Variants in RORA observed in about 807,000 individuals in gnomAD.
RORA encodes the protein RAR related orphan receptor A.
Under a neutral mutation model 69.5 loss-of-function variants are expected in RORA, and 7 were observed. That is an observed-to-expected ratio of 0.10 (90% confidence interval 0.06 to 0.19). The LOEUF is 0.19. Ranked by LOEUF, RORA falls within the 10% of genes least tolerant of loss-of-function variation. The probability of loss-of-function intolerance (pLI) is 1.00; values close to 1 mark genes in which losing one functional copy is unlikely to be tolerated. For synonymous variants in RORA, 261 were observed against 240.8 expected (o/e 1.08, Z -0.78); for missense variants, 457 against 663.0 (o/e 0.69, Z 3.41).
intron 1 of RORA, among the ~76,000 whole-genome samples, chr15:61,022,970 C>A (rs7495776): frequency 0.88 from 134,224 of 151,870 alleles, 59,580 homozygotes; most frequent in East Asian, 0.96. Flanking sequence ...AGATCACTTG[C>A]GGTCAAGAGT....
At chr15:61,021,299 T>C (rs1303002422) in intron 1 of RORA, among the ~76,000 whole-genome samples, 2 of 152,228 alleles carry the variant, frequency 1.3e-5, no homozygotes, top group Non-Finnish European at 2.9e-5. Flanking sequence ...GCTCCGTGAA[T>C]GACTATGAGT....
At chr15:60,742,126 T>C (rs966521840) in intron 1 of RORA, among the ~76,000 whole-genome samples, 7 of 152,200 alleles carry the variant, frequency 4.6e-5, no homozygotes, top group African/African-American at 1.7e-4. Flanking sequence ...TAGATAGATA[T>C]ATATGTGTAT....
At chr15:60,983,649 C>A (rs932284218) in intron 1 of RORA, among the ~76,000 whole-genome samples, 4 of 152,188 alleles carry the variant, frequency 2.6e-5, no homozygotes, top group Non-Finnish European at 5.9e-5. Context: ...GATTCCAGGT[C>A]TTTAGATAAG....
intron 1 of RORA, among the ~76,000 whole-genome samples, chr15:60,946,214 T>A (rs1892866352): frequency 1.3e-5 from 2 of 150,192 alleles, no homozygotes; most frequent in Non-Finnish European, 2.9e-5. Flanking sequence ...CATGGATGAA[T>A]AAAACCAAAA....
intron 1 of RORA, among the ~76,000 whole-genome samples, chr15:61,066,418 CTTTTTTTT>C (rs1168663714): frequency 1.7e-4 from 14 of 80,962 alleles, no homozygotes; most frequent in Admixed American, 5.0e-4. Context: ...GGGCATATTC[CTTTTTTTT>C]TTTTTTTTTT....
intron 1 of RORA, among the ~76,000 whole-genome samples, chr15:60,951,595 T>C (rs1893097528): frequency 6.7e-6 from 1 of 149,932 alleles, no homozygotes; most frequent in Non-Finnish European, 1.5e-5. Context: ...CAATAAAAAA[T>C]GATAAAGGGG....
At chr15:60,687,185 C>T (rs906600781) in intron 1 of RORA, among the ~76,000 whole-genome samples, 1 of 152,040 alleles carries the variant, frequency 6.6e-6, no homozygotes, top group African/African-American at 2.4e-5. Flanking sequence ...GAGGCCCACT[C>T]TCAGATAAGA....
chr15:60,685,908 A>C (rs140763521), intron 1 of RORA, among the ~76,000 whole-genome samples: 1 of 152,252 alleles, frequency 6.6e-6, no homozygotes, highest in African/African-American at 2.4e-5. Context: ...GGTTTCTTTT[A>C]TGTTCGATTT....
At chr15:60,516,229 ATATATTTAT>A in intron 3 of RORA, among the ~76,000 whole-genome samples, 1 of 55,734 alleles carries the variant, frequency 1.8e-5, no homozygotes, top group East Asian at 3.8e-4. Flanking sequence ...ATATTTATAT[ATATATTTAT>A]ATATATATAT....
Position 61,040,125 on chromosome 15 carries a change from T to G in RORA, c.166+188928A>C, listed in dbSNP as rs1215194956. Among the ~76,000 whole-genome samples, 61 of 78,302 alleles carry G rather than the reference T, an allele frequency of 7.8e-4. 1 individual carries two copies. The highest frequency in any genetic ancestry group is 2.1e-3 in the African/African-American group (48 of 23,234). The allele number at this position is 78,302 out of a possible 152,430, so 51.4% of individuals were successfully genotyped here. ...GATCACAAGCTTTGATATATATATA[T>G]ATATATATATATATATATATATATA... On this transcript the variant is annotated intron_variant, in intron 1 of 10. Coordinates refer to ENST00000335670, the MANE Select transcript of RORA (RefSeq NM_134261.3).
intron 2 of RORA, among the ~76,000 whole-genome samples, chr15:60,571,384 G>A (rs930056002): frequency 2.0e-5 from 3 of 152,146 alleles, no homozygotes; most frequent in Non-Finnish European, 4.4e-5. Context: ...GAGTCCTACT[G>A]TGTGCTGTTA....
intron 1 of RORA, among the ~76,000 whole-genome samples, chr15:60,759,505 T>TA (rs757352198): frequency 6.6e-6 from 1 of 152,170 alleles, no homozygotes; most frequent in Non-Finnish European, 1.5e-5. Context: ...CACAAGAGAA[T>TA]AATGAGGAAG....
At chr15:60,930,728 G>A (rs1892349705) in intron 1 of RORA, among the ~76,000 whole-genome samples, 1 of 152,128 alleles carries the variant, frequency 6.6e-6, no homozygotes, top group Non-Finnish European at 1.5e-5. Flanking sequence ...GTTGAGATGG[G>A]ACCCACCTCT....
chr15:60,669,339 TTTTGTTTGTTTG>T (rs200982896), intron 2 of RORA, among the ~76,000 whole-genome samples: 27 of 140,832 alleles, frequency 1.9e-4, no homozygotes, highest in Non-Finnish European at 2.8e-4. Context: ...ATAAGCGTTT[TTTTGTTTGTTTG>T]TTTGTTTGTT....
chr15:61,153,708 T>G (rs1438755283), intron 1 of RORA, among the ~76,000 whole-genome samples: 1 of 152,220 alleles, frequency 6.6e-6, no homozygotes, highest in African/African-American at 2.4e-5. Flanking sequence ...ACTCCATGAC[T>G]CTTCTCTATT....
rs1044482682 is a variant in RORA, at chr15:60,905,191, G to A, written c.167-226505C>T. Among the ~76,000 whole-genome samples, 4 of 152,162 alleles carry A rather than the reference G, an allele frequency of 2.6e-5. No individual in the cohort carries two copies. The highest frequency in any genetic ancestry group is 9.7e-5 in the African/African-American group (4 of 41,434). The stretch of plus-strand genomic sequence containing the variant: ...TTAATTGATATGCAGTCTTAGCCCT[G>A]TTATCATCTCTGATCTTGACCATTT... On this transcript the variant is annotated intron_variant, in intron 1 of 10. Coordinates refer to ENST00000335670, the MANE Select transcript of RORA (RefSeq NM_134261.3). The surrounding 1 kb of genome is among the most constrained non-coding windows in gnomAD (Gnocchi z 4.8).
intron 2 of RORA, among the ~76,000 whole-genome samples, chr15:60,670,201 CTTTTTTTTTTTTCTT>C (rs370342361): frequency 7.9e-6 from 1 of 126,102 alleles, no homozygotes; most frequent in Non-Finnish European, 1.6e-5. Flanking sequence ...TATCCTACCT[CTTTTTTTTTTTTCTT>C]TTTTTTTTTT....
intron 1 of RORA, among the ~76,000 whole-genome samples, chr15:60,717,788 C>CTT: frequency 8.4e-6 from 1 of 119,448 alleles, no homozygotes; most frequent in South Asian, 3.0e-4. Context: ...TTTCTTTTTT[C>CTT]TTTTTCTCTT....
intron 1 of RORA, among the ~76,000 whole-genome samples, chr15:61,188,642 T>C (rs1052967847): frequency 3.3e-5 from 5 of 152,090 alleles, no homozygotes; most frequent in Non-Finnish European, 7.4e-5. Context: ...GATTTAAAAA[T>C]AATAATTTAA....
Sources: allele counts gnomAD v4.1 joint callset (sites outside exome capture counted in the v4.1 genomes callset), GRCh38; gene constraint gnomAD v4.1.1; non-coding constraint Gnocchi (gnomAD v3.1); transcripts MANE v1.5; gene names NCBI Gene and HGNC (gene_info 2026-07-23, HGNC 2026-07-21).